The following MICU1 variants were observed in gnomAD, a reference collection of about 807,000 sequenced individuals.
The protein encoded by MICU1 is mitochondrial calcium uptake 1, also known as calcium uptake protein 1, mitochondrial.
In MICU1, 45 loss-of-function variants were observed where a neutral mutation model predicts 56.8. The ratio of observed to expected loss-of-function variants is 0.79; its 90% confidence interval spans 0.62 to 1.02. The LOEUF (loss-of-function observed/expected upper bound fraction) is 1.02, where lower values mean the gene tolerates loss of function less well. Ranked by LOEUF, MICU1 falls within the 50% of genes least tolerant of loss-of-function variation. MICU1 has a pLI of 0.00. For synonymous variants in MICU1, 186 were observed against 195.1 expected, an observed-to-expected ratio of 0.95 and a Z score of 0.39; for missense variants, 504 against 587.1, an observed-to-expected ratio of 0.86 and a Z score of 1.46.
intron 8 of MICU1, among the ~76,000 whole-genome samples, chr10:72,470,551 T>C (rs1047967744): frequency 6.6e-6 from 1 of 152,060 alleles, no homozygotes; most frequent in African/African-American, 2.4e-5. Context: ...ACTTACTCTT[T>C]AATCAGGAGC....
At chr10:72,548,673 T>G (rs904692437) in intron 4 of MICU1, among the ~76,000 whole-genome samples, 3 of 152,212 alleles carry the variant, frequency 2.0e-5, no homozygotes, top group Admixed American at 1.3e-4. Flanking sequence ...TTTGAAAATT[T>G]CCACAACCAA....
chr10:72,588,580 A>G lies in MICU1; in HGVS notation c.-1-21786T>C, dbSNP rs147436185. On this transcript the variant is annotated intron_variant, in intron 1 of 11. Coordinates refer to ENST00000361114, the MANE Select transcript of MICU1 (RefSeq NM_001195518.2). ...TTGGTTAGTGTAGTTAGACAACAAAACTCAGTTAGACATAAAAATTGGTAA... is the reference window on the plus strand; with the variant it reads ...TTGGTTAGTGTAGTTAGACAACAAAGCTCAGTTAGACATAAAAATTGGTAA... 3.1e-3 allele frequency among the ~76,000 whole-genome samples: 479 copies of G among 152,266 alleles called. 2 individuals carry two copies. The highest frequency in any genetic ancestry group is 0.011 in the African/African-American group (454 of 41,538).
intron 1 of MICU1, among the ~76,000 whole-genome samples, chr10:72,589,351 A>C (rs1019680037): frequency 1.2e-4 from 19 of 152,296 alleles, no homozygotes; most frequent in Admixed American, 1.2e-3. Flanking sequence ...AACACATTAG[A>C]CCAAATAGGA....
At chr10:72,389,455 G>T (rs1309208219) in intron 10 of MICU1, among the ~76,000 whole-genome samples, 4 of 152,184 alleles carry the variant, frequency 2.6e-5, no homozygotes, top group South Asian at 2.1e-4. Context: ...TCCTGTAGGA[G>T]TTATGCCATA....
intron 10 of MICU1, among the ~76,000 whole-genome samples, chr10:72,403,678 C>T (rs1350066243): frequency 3.8e-4 from 43 of 113,708 alleles, no homozygotes; most frequent in Admixed American, 3.2e-3. Flanking sequence ...TGTTTTGAGA[C>T]GGAGTCTCGC....
intron 8 of MICU1, among the ~76,000 whole-genome samples, chr10:72,470,047 T>A (rs913938414): frequency 1.3e-5 from 2 of 152,198 alleles, no homozygotes; most frequent in Non-Finnish European, 2.9e-5. Context: ...GACATCAACG[T>A]AGGAATTTTG....
intron 8 of MICU1, among the ~76,000 whole-genome samples, chr10:72,468,437 G>A (rs935543976): frequency 4.6e-5 from 7 of 151,532 alleles, no homozygotes; most frequent in Non-Finnish European, 1.0e-4. Context: ...AGAAATCAAT[G>A]AATATATTAA....
chr10:72,524,163 C>T (rs773221612), intron 5 of MICU1, among the ~76,000 whole-genome samples: 1 of 152,170 alleles, frequency 6.6e-6, no homozygotes, highest in African/African-American at 2.4e-5. Context: ...CACTCTGTCA[C>T]CCAGGCTGGA....
intron 3 of MICU1, among the ~76,000 whole-genome samples, chr10:72,555,842 G>A (rs2132453646): frequency 6.6e-6 from 1 of 152,350 alleles, no homozygotes. Context: ...AATAAGAGGA[G>A]AGGATAGGGG....
intron 10 of MICU1, among the ~76,000 whole-genome samples, chr10:72,406,631 G>A (rs1432861653): frequency 6.6e-6 from 1 of 151,776 alleles, no homozygotes; most frequent in African/African-American, 2.4e-5. Flanking sequence ...AGAGAGAGAT[G>A]GGGTCTCACT....
intron 8 of MICU1, among the ~76,000 whole-genome samples, chr10:72,466,631 C>T (rs972743999): frequency 1.3e-4 from 20 of 152,138 alleles, no homozygotes; most frequent in African/African-American, 4.6e-4. Context: ...GTTTACACTT[C>T]CCCAGAGAAC....
chr10:72,593,624 A>G (rs974535237), intron 1 of MICU1, among the ~76,000 whole-genome samples: 2 of 152,188 alleles, frequency 1.3e-5, no homozygotes, highest in Non-Finnish European at 2.9e-5. Context: ...AGAAAATCCT[A>G]AAGATTGCAC....
chr10:72,548,100 T>C (rs1313478166), intron 4 of MICU1, among the ~76,000 whole-genome samples: 2 of 152,236 alleles, frequency 1.3e-5, no homozygotes, highest in Admixed American at 1.3e-4. Flanking sequence ...TGTCCCATGC[T>C]ATAGCAGCAG....
At chr10:72,470,258 CAAAGAAGGA>C (rs1865911220) in intron 8 of MICU1, among the ~76,000 whole-genome samples, 1 of 152,146 alleles carries the variant, frequency 6.6e-6, no homozygotes, top group African/African-American at 2.4e-5. Context: ...CACGCTTCCT[CAAAGAAGGA>C]CAAATGTAGT....
chr10:72,504,950 G>A (rs545599283), intron 6 of MICU1, among the ~76,000 whole-genome samples: 129 of 150,618 alleles, frequency 8.6e-4, no homozygotes, highest in Non-Finnish European at 1.6e-3. Flanking sequence ...CGGTCAGAAT[G>A]GCTATTATTA....
intron 10 of MICU1, among the ~76,000 whole-genome samples, chr10:72,385,669 C>T (rs76190824): frequency 2.6e-5 from 4 of 152,240 alleles, no homozygotes; most frequent in South Asian, 2.1e-4. Context: ...AGAATTCTGA[C>T]GTGCCCCCCG....
intron 3 of MICU1, among the ~76,000 whole-genome samples, chr10:72,556,448 C>T (rs1840161351): frequency 6.6e-6 from 1 of 152,060 alleles, no homozygotes; most frequent in South Asian, 2.1e-4. Context: ...TCAAGTGATT[C>T]TCATGCCTCA....
intron 8 of MICU1, among the ~76,000 whole-genome samples, chr10:72,438,296 C>T (rs1391972253): frequency 6.6e-6 from 1 of 152,206 alleles, no homozygotes; most frequent in East Asian, 1.9e-4. Context: ...TCCTGAATGA[C>T]TACTGGGTAA....
At chr10:72,569,508 T>C (rs767397987) in intron 1 of MICU1, among the ~76,000 whole-genome samples, 2 of 151,906 alleles carry the variant, frequency 1.3e-5, no homozygotes, top group African/African-American at 4.8e-5. Flanking sequence ...GTGCTGAGAT[T>C]ACAGGCGTGA....
Sources: allele counts gnomAD v4.1 joint callset (sites outside exome capture counted in the v4.1 genomes callset), GRCh38; gene constraint gnomAD v4.1.1; transcripts MANE v1.5; gene names NCBI Gene and HGNC (gene_info 2026-07-23, HGNC 2026-07-21).